PHF14: variants seen among roughly 807,000 people sequenced by gnomAD.
The protein encoded by PHF14 is PHD finger protein 14.
Under a neutral mutation model 117.9 loss-of-function variants are expected in PHF14, and 55 were observed. The observed-to-expected ratio is 0.47, with a 90% CI of 0.38 to 0.58. PHF14 has a LOEUF of 0.58. Ranked by LOEUF, PHF14 falls within the 20% of genes least tolerant of loss-of-function variation. The pLI is 0.00. For missense variants in PHF14, 978 were observed against 1,122.2 expected (o/e 0.87, Z 1.84); for synonymous variants, 409 against 368.6 (o/e 1.11, Z -1.26).
chr7:11,119,243 T>C (rs1418655999), intron 17 of PHF14, among the ~76,000 whole-genome samples: 1 of 151,922 alleles, frequency 6.6e-6, no homozygotes, highest in East Asian at 1.9e-4. Flanking sequence ...TGTGTGTTTT[T>C]ATTTTTTGTT....
At chr7:10,993,860 TTAA>T (rs1401039520) in intron 4 of PHF14, among the ~76,000 whole-genome samples, 2 of 151,932 alleles carry the variant, frequency 1.3e-5, no homozygotes, top group African/African-American at 4.8e-5. Flanking sequence ...AGTACAAAAA[TTAA>T]TCCGGCATGG....
chr7:10,989,721 C>T (rs1297907482), intron 3 of PHF14, among the ~76,000 whole-genome samples: 2 of 152,136 alleles, frequency 1.3e-5, no homozygotes, highest in Admixed American at 6.5e-5. Flanking sequence ...GCATTGAATT[C>T]CTGGGCTCAA....
intron 16 of PHF14, among the ~76,000 whole-genome samples, chr7:11,071,769 T>C (rs1459778791): frequency 6.6e-6 from 1 of 152,216 alleles, no homozygotes; most frequent in Non-Finnish European, 1.5e-5. Flanking sequence ...ATGTATAAAT[T>C]AGATTTTGTT....
intron 7 of PHF14, 108 bp from the exon 8 acceptor site, chr7:11,035,532 T>G: frequency 1.7e-6 from 1 of 578,288 alleles, no homozygotes. Context: ...TAGATGTAAC[T>G]AGCACTAGTA....
At chr7:11,029,020 A>G (rs1028542207) in intron 7 of PHF14, among the ~76,000 whole-genome samples, 10 of 152,200 alleles carry the variant, frequency 6.6e-5, no homozygotes, top group Admixed American at 5.9e-4. Flanking sequence ...AGAAAACATA[A>G]TTTTTATAGT....
intron 16 of PHF14, chr7:11,071,348 C>T (rs1785606162): frequency 4.0e-6 from 2 of 503,594 alleles, no homozygotes; most frequent in Admixed American, 2.1e-5. Context: ...CCAAGCTATT[C>T]TGTGATTATG....
At chr7:10,974,813 T>A in intron 1 of PHF14, 22 bp from the exon 2 acceptor site, 1 of 1,208,586 alleles carries the variant, frequency 8.3e-7, no homozygotes, top group Non-Finnish European at 1.2e-6. Flanking sequence ...TGAATGACAA[T>A]GTAATTTTTT....
In PHF14 at chr7:10,982,842, G is replaced by T. The variant is rs1175730996; in HGVS notation, c.583G>T (p.Val195Leu). The T allele has an allele frequency of 6.2e-7, 1 of 1,613,890 alleles. No individual in the cohort carries two copies. Among genetic ancestry groups the T allele is most frequent in the Non-Finnish European group, 8.5e-7 (1 of 1,179,856 alleles). Residue 195 changes from valine to leucine, a missense_variant, in exon 3 of 18, where the codon GTG becomes TTG. Val to Leu is a conservative substitution (Grantham distance 32). This residue lies in a region of PHF14 where 414 missense variants were observed against 376.4 expected (regional missense o/e 1.10). Coordinates refer to ENST00000634607, the MANE Select transcript of PHF14 (RefSeq NM_001007157.2). ...ACGAAACCGACCACTTCTGGATTTT[G>T]TGTCCATGGAAGAGCTGAATGACAT... The part of the protein sequence containing the change: ...LRRNRPLLDF[V>L]SMEELNDMDD...
At chr7:11,114,560 A>G (rs1419867501) in intron 17 of PHF14, among the ~76,000 whole-genome samples, 2 of 152,154 alleles carry the variant, frequency 1.3e-5, no homozygotes, top group Non-Finnish European at 2.9e-5. Context: ...TATTGATTTA[A>G]TAACAATTCA....
At chr7:11,082,100 T>C (rs1162627997) in intron 16 of PHF14, among the ~76,000 whole-genome samples, 2 of 152,110 alleles carry the variant, frequency 1.3e-5, no homozygotes, top group Non-Finnish European at 2.9e-5. Flanking sequence ...TCCCAGCACT[T>C]TGGGAGGCCG....
intron 16 of PHF14, chr7:11,105,469 A>C (rs1787226048): frequency 1.0e-6 from 1 of 977,068 alleles, no homozygotes; most frequent in Non-Finnish European, 1.2e-6. Flanking sequence ...TTTCACCAAA[A>C]TTTATTCAAG....
At chr7:11,141,121 T>C (rs73065406) in intron 17 of PHF14, among the ~76,000 whole-genome samples, 3,424 of 152,230 alleles carry the variant, frequency 0.022, 61 homozygotes, top group Middle Eastern at 0.051. Context: ...AGGGAATGAA[T>C]TGGTTCTCCA....
At chr7:11,101,374 A>T (rs1180219106) in intron 16 of PHF14, among the ~76,000 whole-genome samples, 1 of 151,872 alleles carries the variant, frequency 6.6e-6, no homozygotes, top group African/African-American at 2.4e-5. Flanking sequence ...CTCTTGCATT[A>T]TACTTTTCCA....
chr7:10,974,818 T>G lies in PHF14; in HGVS notation c.2-17T>G. On this transcript the variant is annotated splice_polypyrimidine_tract_variant and intron_variant, in intron 1 of 17. Transcript: ENST00000634607. ...GGTGTGATTATGAATGACAATGTAA[T>G]TTTTTTCTCTTCACAGTGGATCGCA... 1.5e-6 allele frequency: 2 copies of G among 1,351,692 alleles called. No individual in the cohort carries two copies. The highest frequency in any genetic ancestry group is 2.1e-6 in the Non-Finnish European group (2 of 968,786). The allele number at this position is 1,351,692 out of a possible 1,614,324, so 83.7% of individuals were successfully genotyped here. A position where few individuals can be genotyped will look rare whatever the true frequency, so the allele number is the denominator to read the frequency against.
chr7:11,041,434 G>T (rs1309914170), intron 12 of PHF14, among the ~76,000 whole-genome samples: 1 of 151,916 alleles, frequency 6.6e-6, no homozygotes, highest in African/African-American at 2.4e-5. Flanking sequence ...TTGTGTGTGT[G>T]TGTGTGTGTA....
chr7:11,143,343 G>T (rs1313759024), intron 17 of PHF14, among the ~76,000 whole-genome samples: 2 of 151,942 alleles, frequency 1.3e-5, no homozygotes, highest in African/African-American at 4.8e-5. Flanking sequence ...CTGATCTCAA[G>T]CCCCTGGGGT....
intron 16 of PHF14, among the ~76,000 whole-genome samples, chr7:11,068,246 G>A (rs1785489165): frequency 6.6e-6 from 1 of 151,466 alleles, no homozygotes; most frequent in African/African-American, 2.4e-5. Flanking sequence ...AGCTACTTGG[G>A]AGGCTGAGGC....
chr7:10,998,438 A>G (rs920363825), intron 4 of PHF14, among the ~76,000 whole-genome samples: 11 of 152,168 alleles, frequency 7.2e-5, no homozygotes, highest in Non-Finnish European at 1.6e-4. Context: ...ACACACACAG[A>G]CACATATATG....
chr7:11,056,068 C>T (rs573522517), intron 14 of PHF14, among the ~76,000 whole-genome samples: 3 of 152,188 alleles, frequency 2.0e-5, no homozygotes, highest in South Asian at 4.2e-4. Context: ...GATTATAAAA[C>T]CTCTATCTGT....
Sources: gnomAD v4.1 joint callset for allele counts (sites outside exome capture counted in the v4.1 genomes callset) on GRCh38, gnomAD v4.1.1 for gene constraint, gnomAD v4.1.1 regional missense constraint, MANE v1.5 for transcripts, NCBI Gene and HGNC (gene_info 2026-07-23, HGNC 2026-07-21) for gene names.